RELN: variants seen among roughly 807,000 people sequenced by gnomAD.
The protein encoded by RELN is reelin.
A neutral mutation model predicts 427.6 loss-of-function variants in RELN; 108 were observed. The ratio of observed to expected loss-of-function variants is 0.25; its 90% CI spans 0.22 to 0.30. The LOEUF is 0.30. RELN is among the 10% of genes least tolerant of loss of function. The probability of loss-of-function intolerance (pLI) is 1.00; values close to 1 mark genes in which losing one functional copy is unlikely to be tolerated. For synonymous variants in RELN, 1,524 were observed against 1,513.4 expected (o/e 1.01, Z -0.16); for missense variants, 3,715 against 4,302.8 (o/e 0.86, Z 3.82).
chr7:103,766,782 CTGAGGGTGA>C (rs1426856168), intron 4 of RELN, among the ~76,000 whole-genome samples: 1 of 152,230 alleles, frequency 6.6e-6, no homozygotes, highest in Non-Finnish European at 1.5e-5. Flanking sequence ...ACTCACTGTT[CTGAGGGTGA>C]TGAACAGCTG....
intron 3 of RELN, among the ~76,000 whole-genome samples, chr7:103,819,427 G>A (rs1792962507): frequency 6.6e-6 from 1 of 152,100 alleles, no homozygotes; most frequent in African/African-American, 2.4e-5. Flanking sequence ...AGTGGGGTAA[G>A]TATATATTCC....
intron 43 of RELN, 32 bp from the exon 44 acceptor site, chr7:103,540,487 A>C (rs752880518): frequency 6.2e-7 from 1 of 1,610,164 alleles, no homozygotes; most frequent in South Asian, 1.1e-5. Context: ...GAAGACTTTC[A>C]CTTCCAAAAG....
intron 2 of RELN, 80 bp downstream of exon 2, chr7:103,916,995 G>T: frequency 1.8e-6 from 2 of 1,084,686 alleles, no homozygotes; most frequent in Non-Finnish European, 2.9e-6. Context: ...GTCTAACACT[G>T]TTAAAACAGA....
In RELN at chr7:103,757,371, G is replaced by A. The variant is rs536166515; in HGVS notation, c.545-4157C>T. Among the ~76,000 whole-genome samples, 331 of 152,152 alleles carry A rather than the reference G, an allele frequency of 2.2e-3. 4 individuals are homozygous for A. Among genetic ancestry groups the A allele is most frequent in the African/African-American group, 7.2e-3 (299 of 41,512 alleles). ...ATCATTGAATTTTTCTAGATTGCTC[G>A]TATGTTTTTATCTCAACATTTTATT... On this transcript the variant is annotated intron_variant, in intron 4 of 64. Transcript: ENST00000428762.
chr7:103,775,943 A>C (rs1482259676), intron 4 of RELN, among the ~76,000 whole-genome samples: 1 of 152,188 alleles, frequency 6.6e-6, no homozygotes, highest in Non-Finnish European at 1.5e-5. Flanking sequence ...AACACAAAGT[A>C]GGGTGGAAAC....
At chr7:103,907,573 C>T (rs963789988) in intron 2 of RELN, among the ~76,000 whole-genome samples, 17 of 151,742 alleles carry the variant, frequency 1.1e-4, no homozygotes, top group Non-Finnish European at 1.8e-4. Context: ...TAGAGAGTGA[C>T]TGCTAATGGA....
intron 6 of RELN, among the ~76,000 whole-genome samples, chr7:103,744,138 C>T (rs1790750588): frequency 1.3e-5 from 2 of 152,148 alleles, no homozygotes; most frequent in South Asian, 4.1e-4. Flanking sequence ...TACATGGAAA[C>T]TGAACAACCT....
chr7:103,692,541 T>C (rs1833894159), intron 10 of RELN, among the ~76,000 whole-genome samples: 1 of 152,046 alleles, frequency 6.6e-6, no homozygotes, highest in South Asian at 2.1e-4. Flanking sequence ...ACTGTCCCCA[T>C]TTCTACTGCA....
chr7:103,828,180 C>T (rs1397197423), intron 3 of RELN, among the ~76,000 whole-genome samples: 1 of 151,998 alleles, frequency 6.6e-6, no homozygotes, highest in Non-Finnish European at 1.5e-5. Context: ...GAATGGCTCT[C>T]ACCAAAAATT....
chr7:103,833,350 T>A (rs1342084933), intron 3 of RELN, among the ~76,000 whole-genome samples, 187 bp downstream of exon 3: 1 of 152,212 alleles, frequency 6.6e-6, no homozygotes, highest in Non-Finnish European at 1.5e-5. Flanking sequence ...CATATAACTA[T>A]GCAAAAATAA....
chr7:103,556,869 T>C (rs1830534239), intron 38 of RELN, 108 bp downstream of exon 38: 2 of 900,940 alleles, frequency 2.2e-6, no homozygotes, highest in Non-Finnish European at 3.8e-6. Context: ...GTGTGTGCTG[T>C]GGACAGCTAA....
chr7:103,629,890 G>T, intron 20 of RELN, 50 bp downstream of exon 20: 3 of 1,130,750 alleles, frequency 2.7e-6, no homozygotes, highest in South Asian at 1.2e-5. Context: ...TCATCCTCAT[G>T]TTCTAATTCC....
intron 10 of RELN, among the ~76,000 whole-genome samples, chr7:103,690,293 T>C (rs77248130): frequency 6.6e-6 from 1 of 151,918 alleles, no homozygotes; most frequent in South Asian, 2.1e-4. Context: ...AAAAAAAAAA[T>C]CAGTTCATAG....
rs139252420 is a variant in RELN, at chr7:103,589,502, G to T, written c.4145+94C>A. ...TTTTTCCCAGAATTGTATTTTCGGG[G>T]TTTTGATCTTTCAGGATTACAACAT... is the stretch of plus-strand genomic sequence containing the variant. On this transcript the variant is annotated intron_variant, in intron 28 of 64. Transcript: ENST00000428762. The T allele has an allele frequency of 6.8e-4, 569 of 842,748 alleles. 3 individuals are homozygous for T. In the African/African-American group the frequency reaches 8.4e-3, roughly 12 times the overall value. 52.2% of individuals were successfully genotyped at this position (842,748 alleles called of 1,614,324 possible). A position where few individuals can be genotyped will look rare whatever the true frequency, so the allele number is the denominator to read the frequency against.
In RELN at chr7:103,709,451, C is replaced by T. The variant is rs572511077; in HGVS notation, c.806-8445G>A. ...TAACTGAAACAGAAAACATAATAAC[C>T]ATGTTTTTAGCCAAACTAAATTCCT... On this transcript the variant is annotated intron_variant, in intron 8 of 64. Transcript: ENST00000428762. Among the ~76,000 whole-genome samples, 3 of 152,272 alleles carry T rather than the reference C, an allele frequency of 2.0e-5. No homozygotes were observed. The East Asian group carries it at 5.8e-4, about 29-fold the overall frequency.
intron 46 of RELN, among the ~76,000 whole-genome samples, chr7:103,527,925 A>G (rs1829860215): frequency 6.6e-6 from 1 of 152,208 alleles, no homozygotes; most frequent in Non-Finnish European, 1.5e-5. Context: ...GACAATAACA[A>G]GTGCTGGTAA....
chr7:103,740,868 A>AAG (rs1790633352), intron 6 of RELN, among the ~76,000 whole-genome samples: 1 of 151,850 alleles, frequency 6.6e-6, no homozygotes, highest in Non-Finnish European at 1.5e-5. Flanking sequence ...TCCCAGGGGG[A>AAG]AAATATGCTC....
At chr7:103,835,777 C>A (rs781052374) in intron 2 of RELN, among the ~76,000 whole-genome samples, 3 of 152,054 alleles carry the variant, frequency 2.0e-5, no homozygotes, top group Non-Finnish European at 4.4e-5. Context: ...GCCTTCTATA[C>A]CTTAAAGTTG....
chr7:103,884,214 A>C (rs889614789), intron 2 of RELN, among the ~76,000 whole-genome samples: 9 of 152,212 alleles, frequency 5.9e-5, no homozygotes, highest in Non-Finnish European at 1.2e-4. Context: ...GTCATTGGAA[A>C]AACTGGCTAA....
Sources: allele counts gnomAD v4.1 joint callset (sites outside exome capture counted in the v4.1 genomes callset), GRCh38; gene constraint gnomAD v4.1.1; transcripts MANE v1.5; gene names NCBI Gene and HGNC (gene_info 2026-07-23, HGNC 2026-07-21).